The following IQSEC2 variants were observed in gnomAD, a reference collection of about 807,000 sequenced individuals.
IQSEC2 encodes the protein IQ motif and Sec7 domain ArfGEF 2, also known as IQ motif and SEC7 domain-containing protein 2.
IQSEC2 carries 6 observed loss-of-function variants against 74.6 expected under a neutral mutation model. That is an observed-to-expected ratio of 0.08 (90% CI 0.04 to 0.16). IQSEC2 has a LOEUF of 0.16. Ranked by LOEUF, IQSEC2 falls within the 10% of genes least tolerant of loss-of-function variation. IQSEC2 has a pLI of 1.00. For missense variants in IQSEC2, 734 were observed against 1,306.2 expected, an observed-to-expected ratio of 0.56 and a Z score of 6.75; for synonymous variants, 494 against 544.5, an observed-to-expected ratio of 0.91 and a Z score of 1.29.
At chrX:53,316,549 G>A (rs1457185592) in intron 1 of IQSEC2, among the ~76,000 whole-genome samples, 4 of 111,040 alleles carry the variant, frequency 3.6e-5, no homozygotes, top group Non-Finnish European at 7.5e-5. Flanking sequence ...AGAATACCAC[G>A]TTGGGCCGGG....
At chrX:53,277,303 C>T (rs141588129) in intron 2 of IQSEC2, among the ~76,000 whole-genome samples, 4,385 of 110,331 alleles carry the variant, frequency 0.04, 217 homozygotes, top group African/African-American at 0.14. Flanking sequence ...CCTCCGCCTC[C>T]CAGGTTCAAG....
intron 10 of IQSEC2, chrX:53,239,617 G>GT: frequency 3.8e-6 from 1 of 261,861 alleles, no homozygotes; most frequent in Admixed American, 5.4e-5. Flanking sequence ...CTCCAGAATG[G>GT]TGATTCAGTG....
At chrX:53,255,015 T>C in intron 3 of IQSEC2, 84 bp from the exon 4 acceptor site, 1 of 946,978 alleles carries the variant, frequency 1.1e-6, no homozygotes, top group Non-Finnish European at 1.5e-6. Flanking sequence ...CCACCCCCAC[T>C]GGAATCATGG....
chrX:53,309,832 C>T (rs1030405493), intron 1 of IQSEC2, among the ~76,000 whole-genome samples: 21 of 112,258 alleles, frequency 1.9e-4, no homozygotes, highest in African/African-American at 6.5e-4. Flanking sequence ...GATGCTAGAG[C>T]TATGCTTCAA....
chrX:53,281,848 G>C (rs995869096), intron 2 of IQSEC2, among the ~76,000 whole-genome samples: 1 of 111,840 alleles, frequency 8.9e-6, no homozygotes, highest in Non-Finnish European at 1.9e-5. Flanking sequence ...CTATTCTCCT[G>C]AACAGAAAAT....
chrX:53,316,352 G>A (rs1387028152), intron 1 of IQSEC2, among the ~76,000 whole-genome samples: 7 of 111,294 alleles, frequency 6.3e-5, no homozygotes, highest in Admixed American at 3.8e-4. Context: ...TTTCCCTCCT[G>A]GGAAGGAGAG....
intron 1 of IQSEC2, among the ~76,000 whole-genome samples, chrX:53,312,010 C>A (rs1390020661): frequency 1.8e-5 from 2 of 111,703 alleles, no homozygotes; most frequent in African/African-American, 6.5e-5. Flanking sequence ...AGCCGGCCAA[C>A]CCTCCAGACT....
At chrX:53,307,044 G>A (rs781795457) in intron 1 of IQSEC2, among the ~76,000 whole-genome samples, 4 of 110,336 alleles carry the variant, frequency 3.6e-5, no homozygotes, top group Non-Finnish European at 7.6e-5. Flanking sequence ...GCATTCACCC[G>A]TAGGCAAAGT....
rs1311829350 is a variant in IQSEC2, at chrX:53,280,947, G to C, written c.737+10948C>G. ...TGGCCATTCAAAAGCCCATGTAAAA[G>C]CCAGGAGACATGGCTGCGGGCCAGG... On this transcript the variant is annotated intron_variant, in intron 2 of 14. Transcript: ENST00000642864. Among the ~76,000 whole-genome samples, 5 of 112,627 alleles carry C rather than the reference G, an allele frequency of 4.4e-5. No individual in the cohort carries two copies. In the Admixed American group the frequency reaches 4.7e-4, roughly 10 times the overall value.
intron 2 of IQSEC2, among the ~76,000 whole-genome samples, chrX:53,269,394 C>A (rs1191234900): frequency 9.0e-6 from 1 of 110,840 alleles, no homozygotes; most frequent in East Asian, 2.8e-4. Flanking sequence ...AAAGAGGGGG[C>A]CCCTCTAGCA....
chrX:53,266,973 A>G (rs1556867815), intron 2 of IQSEC2: 2 of 1,153,242 alleles, frequency 1.7e-6, no homozygotes, highest in Admixed American at 5.2e-5. Flanking sequence ...AGTTACCGAG[A>G]GGAGGGACTA....
chrX:53,227,572 CG>C, downstream of IQSEC2: 1 of 306,222 alleles, frequency 3.3e-6, no homozygotes. Flanking sequence ...GACTGCCCAT[CG>C]GGCAGCACCC....
chrX:53,230,759 C>G (rs1438653573), downstream of IQSEC2: 2 of 112,646 alleles, frequency 1.8e-5, no homozygotes, highest in Non-Finnish European at 3.7e-5. Flanking sequence ...GAGGGATTGG[C>G]AGCAGCACCT....
chrX:53,239,094 G>C lies in IQSEC2; in HGVS notation c.3115+101C>G, dbSNP rs1387878755. 5 of 640,075 alleles carry C rather than the reference G, an allele frequency of 7.8e-6. No individual in the cohort carries two copies. In the East Asian group the frequency reaches 1.3e-4, roughly 17 times the overall value. 52.7% of individuals were successfully genotyped at this position (640,075 alleles called of 1,213,427 possible). A position where few individuals can be genotyped will look rare whatever the true frequency, so the allele number is the denominator to read the frequency against. On this transcript the variant is annotated intron_variant, in intron 11 of 14. Coordinates refer to ENST00000642864, the MANE Select transcript of IQSEC2 (RefSeq NM_001111125.3). ...TAGGTGCTTTGGAGACCCTTAGTCC[G>C]GTTGTAAGGGACTCCGAAAACTGGA...
rs782569128 is a variant in IQSEC2 at position 53,267,825 on chromosome X, G to A, written c.738-11764C>T. On this transcript the variant is annotated intron_variant, in intron 2 of 14. Transcript: ENST00000642864. ...CGTCTGTAAAAATGGGGCTCGTGATGTGAACCTCCCAGGACTGTTGCAAGA... is the reference window on the plus strand; with the variant it reads ...CGTCTGTAAAAATGGGGCTCGTGATATGAACCTCCCAGGACTGTTGCAAGA... 2.7e-5 allele frequency among the ~76,000 whole-genome samples: 3 copies of A among 112,075 alleles called. 1 individual carries two copies. The South Asian group carries it at 1.1e-3, about 42-fold the overall frequency.
intron 2 of IQSEC2, among the ~76,000 whole-genome samples, chrX:53,288,001 C>G (rs1556872168): frequency 8.9e-6 from 1 of 112,054 alleles, no homozygotes; most frequent in East Asian, 2.8e-4. Flanking sequence ...CTGGCCCGAG[C>G]TGGCTCATCT....
chrX:53,242,890 C>G (rs1443279180), intron 9 of IQSEC2, among the ~76,000 whole-genome samples: 2 of 111,593 alleles, frequency 1.8e-5, no homozygotes, highest in Admixed American at 1.9e-4. Flanking sequence ...CATGCACCAT[C>G]ACGCCCGCAG....
intron 2 of IQSEC2, chrX:53,279,130 G>T (rs1410843282): frequency 8.8e-6 from 1 of 113,777 alleles, no homozygotes; most frequent in Non-Finnish European, 1.8e-5. Flanking sequence ...GCAGTGAGCC[G>T]AGATCGCACC....
chrX:53,234,289 G>T lies in IQSEC2; in HGVS notation c.4397C>A (p.Pro1466His). Residue 1466 changes from proline to histidine, a missense_variant, in exon 15 of 15, where the codon CCC (proline) becomes CAC (histidine). Around this residue, in one of 12 missense-constraint regions of IQSEC2, gnomAD observed 38 missense variants for 36.7 expected, o/e 1.04. Transcript: ENST00000642864. ...SPHGPLHASG[P>H]PGTANPPSAN... is the part of the protein sequence containing the mutation. ...ACTGGGGGGGTTGGCTGTGCCAGGGGGCCCAGAGGCGTGCAGCGGGCCATG... is the reference window on the plus strand; with the variant it reads ...ACTGGGGGGGTTGGCTGTGCCAGGGTGCCCAGAGGCGTGCAGCGGGCCATG... The T allele has an allele frequency of 2.1e-6, 2 of 957,290 alleles. No individual in the cohort carries two copies. The highest frequency in any genetic ancestry group is 2.7e-6 in the Non-Finnish European group (2 of 741,513). The allele number at this position is 957,290 out of a possible 1,213,427, so 78.9% of individuals were successfully genotyped here.
Sources: allele counts gnomAD v4.1 joint callset (sites outside exome capture counted in the v4.1 genomes callset), GRCh38; gene constraint gnomAD v4.1.1; regional missense constraint gnomAD v4.1.1; transcripts MANE v1.5; gene names NCBI Gene and HGNC (gene_info 2026-07-23, HGNC 2026-07-21).